Variants in FAN1 observed in about 807,000 individuals in gnomAD.
The protein encoded by FAN1 is fanconi-associated nuclease 1.
FAN1 carries 91 observed loss-of-function variants against 104.9 expected under a neutral mutation model. That is an observed-to-expected ratio of 0.87 (90% CI 0.73 to 1.03). The LOEUF (loss-of-function observed/expected upper bound fraction) is 1.03. FAN1 is among the 50% of genes least tolerant of loss of function. FAN1 has a pLI of 0.00. For synonymous variants in FAN1, 478 were observed against 457.6 expected, an observed-to-expected ratio of 1.04 and a Z score of -0.57; for missense variants, 1,263 against 1,239.9, an observed-to-expected ratio of 1.02 and a Z score of -0.28.
chr15:30,904,741 ATCTAAT>A lies in FAN1; in HGVS notation c.83_88del (p.Asn28_Ser29del). On this transcript the variant is annotated inframe_deletion, in exon 2 of 15. Coordinates refer to ENST00000362065, the MANE Select transcript of FAN1 (RefSeq NM_014967.5). ...CAATCAGCAAGAATAAGAAAAAAGC[ATCTAAT>A]TCTATTATTTCGTGTTTTAACAATG... The A allele has an allele frequency of 6.2e-7, 1 of 1,612,296 alleles. No homozygotes were observed. The highest frequency in any genetic ancestry group is 8.5e-7 in the Non-Finnish European group (1 of 1,178,670).
chr15:30,937,065 T>C, intron 13 of FAN1, 54 bp from the exon 14 acceptor site: 1 of 1,478,660 alleles, frequency 6.8e-7, no homozygotes, highest in Non-Finnish European at 9.3e-7. Context: ...CTTACTTGAA[T>C]GGCTTTTCAT....
chr15:30,905,434 C>G lies in FAN1; in HGVS notation c.771C>G (p.Phe257Leu). Residue 257 changes from phenylalanine to leucine, a missense_variant, in exon 2 of 15, where the codon TTC (phenylalanine) becomes TTG (leucine). Coordinates refer to ENST00000362065, the MANE Select transcript of FAN1 (RefSeq NM_014967.5). ...ECEKSALTPGFSDNAIMLFSP... is the reference protein window; with the variant it reads ...ECEKSALTPGLSDNAIMLFSP... ...AGAAATCAGCCCTCACCCCTGGATT[C>G]TCAGATAATGCGATCATGTTATTCT... is the stretch of plus-strand genomic sequence containing the variant. 5.6e-6 allele frequency: 9 copies of G among 1,614,114 alleles called. No individual in the cohort carries two copies. The highest frequency in any genetic ancestry group is 7.6e-6 in the Non-Finnish European group (9 of 1,179,980).
chr15:30,908,187 A>T lies in FAN1; in HGVS notation c.1304A>T (p.Glu435Val). The change falls in exon 3 of 15, where the codon GAG (glutamate) becomes GTG (valine). Residue 435 changes from glutamate (E) to valine (V), a missense_variant. Glu to Val is a moderately radical substitution (Grantham distance 121). Transcript: ENST00000362065. ...AGCTGGATTAAGATGACCAAATTAG[A>T]GTATGAAGAGATTGCCTTAGACTTA... ...KLSWIKMTKL[E>V]YEEIALDLTP... is the part of the protein sequence containing the mutation. 6.2e-6 allele frequency: 10 copies of T among 1,611,638 alleles called. No individual in the cohort carries two copies. Among genetic ancestry groups the T allele is most frequent in the Non-Finnish European group, 8.5e-6 (10 of 1,178,894 alleles).
intron 1 of FAN1, 48 bp from the exon 2 acceptor site, chr15:30,904,464 G>C: frequency 1.5e-6 from 1 of 682,616 alleles, no homozygotes; most frequent in African/African-American, 1.8e-5. Flanking sequence ...TTTTCCCCTT[G>C]CTGAATTCAT....
At chr15:30,929,818 AT>A (rs1173963758) in intron 12 of FAN1, among the ~76,000 whole-genome samples, 2 of 44,922 alleles carry the variant, frequency 4.5e-5, no homozygotes, top group Admixed American at 4.0e-4. Context: ...TATATAATAT[AT>A]TATATCATAT....
intron 9 of FAN1, among the ~76,000 whole-genome samples, chr15:30,925,581 G>A (rs535667174): frequency 2.0e-3 from 307 of 152,338 alleles, no homozygotes; most frequent in African/African-American, 7.1e-3. Context: ...GGGACCTGTA[G>A]AGCAGTTCTG....
At chr15:30,933,647 T>C (rs1014150157) in intron 13 of FAN1, among the ~76,000 whole-genome samples, 2 of 152,248 alleles carry the variant, frequency 1.3e-5, no homozygotes, top group African/African-American at 4.8e-5. Flanking sequence ...AGTTGGTTGA[T>C]AGTGTTGTTT....
Position 30,942,935 on chromosome 15 carries a change from T to A in FAN1, c.*1373T>A. 3 of 1,567,442 alleles carry A rather than the reference T, an allele frequency of 1.9e-6. No individual in the cohort carries two copies. The highest frequency in any genetic ancestry group is 2.6e-6 in the Non-Finnish European group (3 of 1,153,788). ...TCACGGAGCCATTCTGTATACAAGG[T>A]GTGCTCTTTCCAATGTAGAAGGGGT... On this transcript the variant is annotated 3_prime_UTR_variant, in exon 15 of 15. Transcript: ENST00000362065.
At chr15:30,918,368 C>T in intron 6 of FAN1, 73 bp downstream of exon 6, 1 of 1,480,718 alleles carries the variant, frequency 6.8e-7, no homozygotes, top group Non-Finnish European at 9.4e-7. Flanking sequence ...CAGTAATTTT[C>T]TTCATGAAGA....
chr15:30,904,636 C>T lies in FAN1; in HGVS notation c.-28C>T, dbSNP rs755567701. 10 of 1,606,006 alleles carry T rather than the reference C, an allele frequency of 6.2e-6. No homozygotes were observed. The highest frequency in any genetic ancestry group is 1.3e-5 in the African/African-American group (1 of 74,450). ...ACCTTAAATATCCTGTGTTTTATTG[C>T]TCAGAACATCCAGTTTTTCTAATAC... On this transcript the variant is annotated 5_prime_UTR_variant, in exon 2 of 15. Coordinates refer to ENST00000362065, the MANE Select transcript of FAN1 (RefSeq NM_014967.5).
chr15:30,940,008 A>T (rs1384205816), intron 14 of FAN1: 1 of 976,194 alleles, frequency 1.0e-6, no homozygotes, highest in Non-Finnish European at 1.2e-6. Context: ...TTCAAAAAGA[A>T]ACAGCTATTC....
At position 30,927,218 on chromosome 15, in the gene FAN1, C is replaced by CAGACA. The variant is rs1432207938; in HGVS notation, c.2488+1280_2488+1281insGACAA. ...AGTGAGACCCTGTCTCAAAACAAAACAAACAAAGGAGTTCAGAAATGATCT... is the reference window on the plus strand; with the variant it reads ...AGTGAGACCCTGTCTCAAAACAAAACAGACAAAACAAAGGAGTTCAGAAATGATCT... On this transcript the variant is annotated intron_variant, in intron 10 of 14. Coordinates refer to ENST00000362065, the MANE Select transcript of FAN1 (RefSeq NM_014967.5). The CAGACA allele has an allele frequency of 4.7e-6, 4 of 848,928 alleles. No homozygotes were observed. In the African/African-American group the frequency reaches 8.1e-5, roughly 17 times the overall value. 52.6% of individuals were successfully genotyped at this position (848,928 alleles called of 1,614,324 possible).
chr15:30,938,907 T>C (rs1008198842), intron 14 of FAN1: 1 of 984,888 alleles, frequency 1.0e-6, no homozygotes, highest in Non-Finnish European at 1.2e-6. Flanking sequence ...TCAATCACTG[T>C]GTTCCAGTAG....
rs538133762 is a variant in FAN1, at chr15:30,940,718, A to T, written c.*4-848A>T. On this transcript the variant is annotated intron_variant, in intron 14 of 14. Transcript: ENST00000362065. The stretch of plus-strand genomic sequence containing the variant: ...CTGGGGACTCCTGGCTATGAAGCTT[A>T]GTATGAAAAGCCTATTTCAAATATG... 2.2e-5 allele frequency: 22 copies of T among 988,872 alleles called. No homozygotes were observed. The African/African-American group carries it at 3.8e-4, about 17-fold the overall frequency. 61.3% of individuals were successfully genotyped at this position (988,872 alleles called of 1,614,324 possible). A position where few individuals can be genotyped will look rare whatever the true frequency, so the allele number is the denominator to read the frequency against.
chr15:30,906,864 T>G (rs2061991979), intron 2 of FAN1, among the ~76,000 whole-genome samples: 1 of 152,186 alleles, frequency 6.6e-6, no homozygotes, highest in Non-Finnish European at 1.5e-5. Context: ...GGCTTTTCTA[T>G]CCAAACTAGT....
chr15:30,928,513 T>G, intron 10 of FAN1, 40 bp from the exon 11 acceptor site: 1 of 1,591,980 alleles, frequency 6.3e-7, no homozygotes, highest in Non-Finnish European at 8.6e-7. Flanking sequence ...ATTTTGTGTG[T>G]GTGTGTGTGT....
intron 13 of FAN1, among the ~76,000 whole-genome samples, chr15:30,936,807 A>T (rs1291723148): frequency 6.6e-6 from 1 of 152,212 alleles, no homozygotes; most frequent in Non-Finnish European, 1.5e-5. Context: ...GGTTATCCTC[A>T]TGATCATGTG....
At position 30,923,818 on chromosome 15, in the gene FAN1, T is replaced by C. The variant is rs573113420; in HGVS notation, c.2173-1309T>C. Among the ~76,000 whole-genome samples the C allele has an allele frequency of 5.9e-5, 9 of 152,354 alleles. 1 individual carries two copies. Among genetic ancestry groups the C allele is most frequent in the Admixed American group, 5.9e-4 (9 of 15,302 alleles). Reference sequence around the variant, plus strand: ...AATTTCTTGGTTTTTATTTTTTCTTTCACTTTTTATGTTTCTATTGTGGTA... The same window carrying C: ...AATTTCTTGGTTTTTATTTTTTCTTCCACTTTTTATGTTTCTATTGTGGTA... On this transcript the variant is annotated intron_variant, in intron 8 of 14. Transcript: ENST00000362065.
rs141138724 is a variant in FAN1, at chr15:30,916,594, A to T, written c.1812-1570A>T. Among the ~76,000 whole-genome samples, 560 of 152,348 alleles carry T rather than the reference A, an allele frequency of 3.7e-3. 4 individuals are homozygous for T. Among genetic ancestry groups the T allele is most frequent in the Middle Eastern group, 0.017 (5 of 294 alleles). ...GGATTTAATTGACTTCTGGAAAGGT[A>T]ATAGTATTCAATATCTGGTAATGTG... is the stretch of plus-strand genomic sequence containing the variant. On this transcript the variant is annotated intron_variant, in intron 5 of 14. Coordinates refer to ENST00000362065, the MANE Select transcript of FAN1 (RefSeq NM_014967.5).
Sources: gnomAD v4.1 joint callset for allele counts (sites outside exome capture counted in the v4.1 genomes callset) on GRCh38, gnomAD v4.1.1 for gene constraint, MANE v1.5 for transcripts, NCBI Gene and HGNC (gene_info 2026-07-23, HGNC 2026-07-21) for gene names.